AGBL4: variants seen among roughly 807,000 people sequenced by gnomAD.
The protein encoded by AGBL4 is cytosolic carboxypeptidase 6.
A neutral mutation model predicts 66.4 loss-of-function variants in AGBL4; 58 were observed. The observed-to-expected ratio is 0.87, with a 90% CI of 0.71 to 1.09. AGBL4 has a LOEUF of 1.09. Ranked by LOEUF, AGBL4 falls within the 50% of genes least tolerant of loss-of-function variation. The pLI, the probability that AGBL4 is intolerant of heterozygous loss-of-function variation, is 0.00. For missense variants in AGBL4, 579 were observed against 631.0 expected, an observed-to-expected ratio of 0.92 and a Z score of 0.88; for synonymous variants, 234 against 222.9, an observed-to-expected ratio of 1.05 and a Z score of -0.44.
chr1:49,383,233 A>G (rs1196709053), intron 3 of AGBL4, among the ~76,000 whole-genome samples: 1 of 152,198 alleles, frequency 6.6e-6, no homozygotes, highest in East Asian at 1.9e-4. Context: ...AGATTTATCT[A>G]CAGATTCAAT....
At chr1:49,235,501 C>G (rs1650655144) in intron 4 of AGBL4, among the ~76,000 whole-genome samples, 1 of 152,180 alleles carries the variant, frequency 6.6e-6, no homozygotes. Context: ...AGTGATTGGC[C>G]TGCAAATCAG....
chr1:48,538,505 C>G (rs1644009375), intron 12 of AGBL4, among the ~76,000 whole-genome samples: 1 of 152,168 alleles, frequency 6.6e-6, no homozygotes, highest in South Asian at 2.1e-4. Flanking sequence ...TGCTGATGAA[C>G]TTCTACTTGC....
At chr1:48,972,776 T>G (rs1444680098) in intron 5 of AGBL4, among the ~76,000 whole-genome samples, 2 of 152,186 alleles carry the variant, frequency 1.3e-5, no homozygotes, top group Non-Finnish European at 2.9e-5. Flanking sequence ...TGGCAGATAT[T>G]ATTTTTGAAA....
intron 11 of AGBL4, among the ~76,000 whole-genome samples, chr1:48,548,361 C>G (rs1469056339): frequency 2.0e-5 from 3 of 152,136 alleles, no homozygotes; most frequent in Non-Finnish European, 4.4e-5. Context: ...TCCTCCTCAT[C>G]TGAAACACAG....
chr1:49,385,754 G>C (rs1644723159), intron 3 of AGBL4, among the ~76,000 whole-genome samples: 2 of 151,994 alleles, frequency 1.3e-5, no homozygotes, highest in African/African-American at 4.8e-5. Context: ...GTTTGAAATT[G>C]CTTTCTTTTT....
intron 11 of AGBL4, among the ~76,000 whole-genome samples, chr1:48,552,140 T>C (rs1017249755): frequency 3.9e-5 from 6 of 152,196 alleles, no homozygotes; most frequent in African/African-American, 7.2e-5. Context: ...CTCAGCTCAC[T>C]GCAACCTCCG....
chr1:48,604,631 A>T (rs1047462423), intron 9 of AGBL4, among the ~76,000 whole-genome samples: 1 of 152,192 alleles, frequency 6.6e-6, no homozygotes, highest in Non-Finnish European at 1.5e-5. Context: ...AAAAAATTCA[A>T]ACACTTACAT....
chr1:49,860,779 A>C (rs989930048), intron 1 of AGBL4, among the ~76,000 whole-genome samples: 6 of 136,076 alleles, frequency 4.4e-5, no homozygotes, highest in African/African-American at 1.4e-4. Context: ...AAAAAAAAAA[A>C]CAAAAAACAA....
At chr1:49,052,559 A>G (rs1032135103) in intron 4 of AGBL4, among the ~76,000 whole-genome samples, 5 of 152,094 alleles carry the variant, frequency 3.3e-5, no homozygotes, top group African/African-American at 9.7e-5. Flanking sequence ...CAAAACTGTC[A>G]TTTGCTGGGG....
intron 11 of AGBL4, among the ~76,000 whole-genome samples, chr1:48,563,350 A>G (rs1644425485): frequency 6.6e-6 from 1 of 152,248 alleles, no homozygotes; most frequent in Admixed American, 6.5e-5. Flanking sequence ...TCACTTAGGC[A>G]ATTCTATAGC....
At chr1:49,655,062 G>A (rs114827087) in intron 3 of AGBL4, among the ~76,000 whole-genome samples, 1,683 of 152,180 alleles carry the variant, frequency 0.011, 26 homozygotes, top group African/African-American at 0.039. Context: ...TGCTCATACC[G>A]GTTATGCTGG....
At chr1:49,439,618 T>C (rs1645980186) in intron 3 of AGBL4, among the ~76,000 whole-genome samples, 1 of 152,152 alleles carries the variant, frequency 6.6e-6, no homozygotes, top group South Asian at 2.1e-4. Flanking sequence ...GTCAGTGGGC[T>C]GGGAAATTCA....
At chr1:49,452,790 A>C (rs1228664253) in intron 3 of AGBL4, among the ~76,000 whole-genome samples, 1 of 151,828 alleles carries the variant, frequency 6.6e-6, no homozygotes, top group African/African-American at 2.4e-5. Flanking sequence ...CAGGATAAGG[A>C]TCCCCTAAAG....
At chr1:48,777,336 G>A (rs1645149855) in intron 6 of AGBL4, among the ~76,000 whole-genome samples, 1 of 152,030 alleles carries the variant, frequency 6.6e-6, no homozygotes, top group Non-Finnish European at 1.5e-5. Flanking sequence ...GCGGGATAGG[G>A]GTGGGGGCAA....
At chr1:48,783,431 T>C (rs545497790) in intron 6 of AGBL4, among the ~76,000 whole-genome samples, 1 of 152,260 alleles carries the variant, frequency 6.6e-6, no homozygotes, top group East Asian at 1.9e-4. Flanking sequence ...TAAAGGCCAA[T>C]GAACATCACC....
At chr1:49,963,693 C>T (rs1188046029) in intron 1 of AGBL4, among the ~76,000 whole-genome samples, 1 of 151,914 alleles carries the variant, frequency 6.6e-6, no homozygotes, top group Non-Finnish European at 1.5e-5. Flanking sequence ...CTATCGGCTA[C>T]AAAGAAAAAG....
chr1:49,943,499 G>A (rs188544988), intron 1 of AGBL4, among the ~76,000 whole-genome samples: 1 of 152,256 alleles, frequency 6.6e-6, no homozygotes, highest in East Asian at 1.9e-4. Context: ...ATCCGCCCCT[G>A]AACACACACC....
Position 49,478,734 on chromosome 1 carries a change from C to T in AGBL4, c.282+218579G>A, listed in dbSNP as rs74393364. Among the ~76,000 whole-genome samples the T allele has an allele frequency of 2.5e-3, 386 of 152,040 alleles. 4 individuals are homozygous for T. Among genetic ancestry groups the T allele is most frequent in the Non-Finnish European group, 4.6e-3 (314 of 67,934 alleles). On this transcript the variant is annotated intron_variant, in intron 3 of 13. Transcript: ENST00000371839. The stretch of plus-strand genomic sequence containing the variant: ...AACTGTAGAGTGTAAACCACTCTTA[C>T]GTAGAAAGACTAGAGTATGAACCAA...
At chr1:48,710,314 T>A (rs1189769023) in intron 6 of AGBL4, among the ~76,000 whole-genome samples, 1 of 152,176 alleles carries the variant, frequency 6.6e-6, no homozygotes, top group Non-Finnish European at 1.5e-5. Flanking sequence ...CTTACTGTAC[T>A]TACAGTGCCA....
Sources: gnomAD v4.1 joint callset for allele counts (sites outside exome capture counted in the v4.1 genomes callset) on GRCh38, gnomAD v4.1.1 for gene constraint, MANE v1.5 for transcripts, NCBI Gene and HGNC (gene_info 2026-07-23, HGNC 2026-07-21) for gene names.